Variants in TENM2 observed in about 807,000 individuals in gnomAD.
TENM2 encodes teneurin transmembrane protein 2.
A neutral mutation model predicts 245.2 loss-of-function variants in TENM2; 52 were observed. The ratio of observed to expected loss-of-function variants is 0.21; its 90% confidence interval spans 0.17 to 0.27. The LOEUF is 0.27. Among genes scored for constraint, TENM2 ranks in the 10% least tolerant of loss-of-function variants. TENM2 has a pLI of 1.00. For synonymous variants in TENM2, 1,363 were observed against 1,438.9 expected (o/e 0.95, Z 1.19); for missense variants, 3,046 against 3,666.8 (o/e 0.83, Z 4.37).
At chr5:167,076,790 C>A in the TENM2 span, among the ~76,000 whole-genome samples, 1 of 152,112 alleles carries the variant, frequency 6.6e-6, no homozygotes, top group African/African-American at 2.4e-5. Flanking sequence ...CATAGAAACA[C>A]CCTTTAATAC....
At chr5:168,118,541 C>G (rs1381247977) in intron 10 of TENM2, 55 bp downstream of exon 12, 1 of 1,395,512 alleles carries the variant, frequency 7.2e-7, no homozygotes, top group Non-Finnish European at 9.6e-7. Flanking sequence ...TTTGCAGGGC[C>G]TGACCTTTGC....
intron 5 of TENM2, among the ~76,000 whole-genome samples, chr5:168,045,128 C>T (rs1478411317): frequency 6.6e-6 from 1 of 152,142 alleles, no homozygotes; most frequent in Non-Finnish European, 1.5e-5. Flanking sequence ...GCAGATTTGG[C>T]TTTTCCCCTT....
chr5:168,205,289 A>G (rs376460577), intron 19 of TENM2, among the ~76,000 whole-genome samples: 1 of 152,014 alleles, frequency 6.6e-6, no homozygotes, highest in Non-Finnish European at 1.5e-5. Context: ...TGGTGAATGT[A>G]TACCATGTCC....
intron 2 of TENM2, among the ~76,000 whole-genome samples, chr5:167,551,687 T>C (rs1465138834): frequency 2.6e-5 from 4 of 152,168 alleles, no homozygotes; most frequent in African/African-American, 9.7e-5. Context: ...TCTATCTATG[T>C]ATTCATTTGT....
chr5:167,857,163 C>T (rs1247976622), intron 2 of TENM2, among the ~76,000 whole-genome samples: 4 of 152,144 alleles, frequency 2.6e-5, no homozygotes, highest in African/African-American at 9.7e-5. Flanking sequence ...CCAAAGAAGC[C>T]ATGATACCAA....
the TENM2 span, among the ~76,000 whole-genome samples, chr5:167,083,147 G>A: frequency 3.3e-5 from 5 of 152,302 alleles, no homozygotes; most frequent in Admixed American, 1.3e-4. Context: ...CAGTGCAAAT[G>A]TGTGAGACTC....
intron 2 of TENM2, among the ~76,000 whole-genome samples, chr5:167,778,319 T>C (rs1763950402): frequency 6.6e-6 from 1 of 152,028 alleles, no homozygotes; most frequent in Non-Finnish European, 1.5e-5. Flanking sequence ...TTTGGCCAAG[T>C]AGGGTAGGAA....
chr5:167,450,039 G>GC (rs1409877967), intron 2 of TENM2, among the ~76,000 whole-genome samples: 1 of 152,090 alleles, frequency 6.6e-6, no homozygotes, highest in Non-Finnish European at 1.5e-5. Flanking sequence ...GGATGAATGC[G>GC]TGGCTAGATG....
At chr5:167,130,106 A>C in the TENM2 span, among the ~76,000 whole-genome samples, 16 of 152,306 alleles carry the variant, frequency 1.1e-4, no homozygotes, top group African/African-American at 3.8e-4. Flanking sequence ...ATAGGCATTT[A>C]TCTTTTAAGG....
At chr5:168,030,080 A>G (rs1786978045) in intron 5 of TENM2, among the ~76,000 whole-genome samples, 1 of 147,970 alleles carries the variant, frequency 6.8e-6, no homozygotes, top group Admixed American at 6.7e-5. Flanking sequence ...CAGGGCAGGT[A>G]CTGGATGGAG....
chr5:167,371,390 T>C (rs1760426107), intron 1 of TENM2, among the ~76,000 whole-genome samples: 3 of 148,784 alleles, frequency 2.0e-5, no homozygotes, highest in African/African-American at 7.4e-5. Flanking sequence ...AGTTTCGCTC[T>C]TGTTGCCCAG....
At chr5:167,789,014 G>A (rs557310619) in intron 2 of TENM2, among the ~76,000 whole-genome samples, 10 of 152,190 alleles carry the variant, frequency 6.6e-5, no homozygotes, top group Admixed American at 5.9e-4. Flanking sequence ...TCTACTACAC[G>A]TCCTGTGATC....
chr5:167,470,454 C>CTTGTTTTTTTTTTTTT (rs1766940200), intron 2 of TENM2, among the ~76,000 whole-genome samples: 1 of 47,394 alleles, frequency 2.1e-5, no homozygotes, highest in African/African-American at 8.4e-5. Flanking sequence ...GCAATGCTTG[C>CTTGTTTTTTTTTTTTT]TTTTTTTTTT....
intron 1 of TENM2, among the ~76,000 whole-genome samples, chr5:167,336,271 G>A (rs1022802079): frequency 6.4e-4 from 93 of 144,286 alleles, no homozygotes; most frequent in African/African-American, 2.3e-3. Context: ...TTTGCTGGCT[G>A]GCCACATTCT....
At position 167,832,775 on chromosome 5, in the gene TENM2, A is replaced by G. The variant is rs377263207; in HGVS notation, c.503-43211A>G. 1.1e-4 allele frequency among the ~76,000 whole-genome samples: 16 copies of G among 152,360 alleles called. No individual in the cohort carries two copies. The East Asian group carries it at 1.9e-3, about 18-fold the overall frequency. ...AAATATTGATAATTTGGAAGCATAC[A>G]CACAGGAGTGCACTGGAGCCAGCTT... On this transcript the variant is annotated intron_variant, in intron 2 of 28. Coordinates refer to ENST00000518659, the Ensembl canonical transcript of TENM2.
chr5:167,770,882 T>C (rs1486429117), intron 2 of TENM2, among the ~76,000 whole-genome samples: 1 of 152,106 alleles, frequency 6.6e-6, no homozygotes, highest in African/African-American at 2.4e-5. Flanking sequence ...TTGGTCCCAC[T>C]GGGGAGGACC....
intron 4 of TENM2, among the ~76,000 whole-genome samples, chr5:167,953,218 G>A (rs1716051574): frequency 6.6e-6 from 1 of 152,118 alleles, no homozygotes; most frequent in Admixed American, 6.6e-5. Context: ...TAAGTGTTTG[G>A]GGAGACCTTG....
chr5:167,230,416 G>A, the TENM2 span, among the ~76,000 whole-genome samples: 31,605 of 152,032 alleles, frequency 0.21, 3,853 homozygotes, highest in African/African-American at 0.34. Flanking sequence ...TTCTCTGTTG[G>A]ATTCCAGTGT....
chr5:167,202,849 G>A, the TENM2 span, among the ~76,000 whole-genome samples: 184 of 152,276 alleles, frequency 1.2e-3, no homozygotes, highest in African/African-American at 3.9e-3. Flanking sequence ...TGTCCTTGCA[G>A]ATCTATGCTG....
Sources: allele counts gnomAD v4.1 joint callset (sites outside exome capture counted in the v4.1 genomes callset), GRCh38; gene constraint gnomAD v4.1.1; transcripts MANE v1.5; gene names NCBI Gene and HGNC (gene_info 2026-07-23, HGNC 2026-07-21).